The following BICDL2 variants were observed in gnomAD, a reference collection of about 807,000 sequenced individuals.
BICDL2 encodes the protein BICD family like cargo adaptor 2.
In BICDL2, 62 loss-of-function variants were observed where a neutral mutation model predicts 56.6. The ratio of observed to expected loss-of-function variants is 1.10; its 90% confidence interval spans 0.89 to 1.35. The LOEUF is 1.35. Ranked by LOEUF, BICDL2 falls within the 40% of genes most tolerant of loss-of-function variation. BICDL2 has a pLI of 0.00. For synonymous variants in BICDL2, 358 were observed against 319.8 expected, an observed-to-expected ratio of 1.12 and a Z score of -1.27; for missense variants, 808 against 684.5, an observed-to-expected ratio of 1.18 and a Z score of -2.01.
At chr16:3,032,540 T>A (rs1448189562) in intron 2 of BICDL2, 1 of 151,976 alleles carries the variant, frequency 6.6e-6, no homozygotes, top group Admixed American at 6.6e-5. Context: ...CATGGACACA[T>A]GCCGGAGCCA....
In BICDL2 at chr16:3,028,426, C is replaced by G. The variant is rs1444124225; in HGVS notation, c.1281G>C (p.Glu427Asp). The G allele has an allele frequency of 6.4e-7, 1 of 1,560,462 alleles. No homozygotes were observed. The highest frequency in any genetic ancestry group is 1.2e-5 in the South Asian group (1 of 86,562). Residue 427 changes from glutamate to aspartate, a missense_variant, in exon 9 of 10, where the codon GAG (glutamate) becomes GAC (aspartate). Coordinates refer to ENST00000572449, the MANE Select transcript of BICDL2 (RefSeq NM_001369667.1). ...LSLQLNRVSL[E>D]RDSLSRELLR... ...GCAGCTCCCGAGACAGGGAGTCTCG[C>G]TCCAGCGAGACGCGGTTGAGCTGCA... is the stretch of plus-strand genomic sequence containing the variant.
At chr16:3,033,869 G>A (rs1397970547) in intron 2 of BICDL2, among the ~76,000 whole-genome samples, 1 of 152,186 alleles carries the variant, frequency 6.6e-6, no homozygotes, top group Non-Finnish European at 1.5e-5. Flanking sequence ...CGAGGATGGG[G>A]ACAGCAGGTG....
intron 2 of BICDL2, among the ~76,000 whole-genome samples, chr16:3,034,143 G>T (rs769155736): frequency 2.0e-5 from 3 of 152,200 alleles, no homozygotes; most frequent in Non-Finnish European, 2.9e-5. Flanking sequence ...AAAGCACTCA[G>T]CCCAGTGCCA....
Position 3,028,424 on chromosome 16 carries a change from C to G in BICDL2, c.1283G>C (p.Arg428Pro). The change falls in exon 9 of 10, where the codon CGA becomes CCA. Residue 428 changes from arginine to proline, a missense_variant. Arg to Pro is a moderately radical substitution (Grantham distance 103). Coordinates refer to ENST00000572449, the MANE Select transcript of BICDL2 (RefSeq NM_001369667.1). The stretch of plus-strand genomic sequence containing the variant: ...CAGCAGCTCCCGAGACAGGGAGTCT[C>G]GCTCCAGCGAGACGCGGTTGAGCTG... Reference protein sequence around the residue: ...SLQLNRVSLERDSLSRELLRA... With the variant: ...SLQLNRVSLEPDSLSRELLRA... The G allele has an allele frequency of 6.4e-7, 1 of 1,559,570 alleles. No individual in the cohort carries two copies. Among genetic ancestry groups the G allele is most frequent in the Non-Finnish European group, 8.6e-7 (1 of 1,161,430 alleles).
At chr16:3,036,137 A>G (rs1397436995) in intron 1 of BICDL2, 2 of 399,862 alleles carry the variant, frequency 5.0e-6, no homozygotes, top group South Asian at 3.6e-5. Flanking sequence ...TCCCCCACCA[A>G]GGATTCCCAC....
At chr16:3,034,704 T>C (rs1251394468) in intron 2 of BICDL2, among the ~76,000 whole-genome samples, 13 of 147,782 alleles carry the variant, frequency 8.8e-5, no homozygotes, top group Non-Finnish European at 1.6e-4. Flanking sequence ...CCTTCCTTCC[T>C]TCCTTCCTTT....
intron 2 of BICDL2, chr16:3,032,425 A>G (rs1955670678): frequency 6.6e-6 from 1 of 152,234 alleles, no homozygotes; most frequent in Non-Finnish European, 1.5e-5. Flanking sequence ...CCACACTGCT[A>G]TCAATCCTCC....
At position 3,029,549 on chromosome 16, in the gene BICDL2, G is replaced by C; in HGVS notation, c.953C>G (p.Thr318Ser). Residue 318 changes from threonine (T) to serine (S), a missense_variant, in exon 6 of 10, where the codon ACC becomes AGC. Coordinates refer to ENST00000572449, the MANE Select transcript of BICDL2 (RefSeq NM_001369667.1). ...QGQGADAPGD[T>S]PTTRSPKTRK... The stretch of plus-strand genomic sequence containing the variant: ...GCTGGGGCCCCACGAGCTCACCGGG[G>C]TGTCTCCGGGTGCGTCGGCGCCCTG... 2 of 1,550,604 alleles carry C rather than the reference G, an allele frequency of 1.3e-6. No individual in the cohort carries two copies. The highest frequency in any genetic ancestry group is 1.7e-6 in the Non-Finnish European group (2 of 1,152,950).
rs183014367 is a variant in BICDL2 at position 3,035,356 on chromosome 16, G to T, written c.141C>A (p.Pro47=). 1 of 1,603,454 alleles carries T rather than the reference G, an allele frequency of 6.2e-7. No individual in the cohort carries two copies. Residue 47 remains proline (P), a synonymous_variant, in exon 2 of 10, where the codon CCC becomes CCA. Transcript: ENST00000572449. ...GCTGCAGCTGCAAGGCTAGGTCCTC[G>T]GGCTCCTCAGGCCCTGGGCCCCCTC... is the stretch of plus-strand genomic sequence containing the variant. ...FLGGGPGPEE[P]EDLALQLQQK... is the part of the protein sequence containing the mutation.
intron 2 of BICDL2, chr16:3,031,779 A>G (rs1360076547): frequency 2.7e-6 from 1 of 376,560 alleles, no homozygotes. Context: ...AGCGACTCGC[A>G]GGTACCCTGC....
Position 3,029,306 on chromosome 16 carries a change from C to T in BICDL2, c.1081G>A (p.Val361Met). The T allele has an allele frequency of 1.9e-6, 3 of 1,611,704 alleles. No individual in the cohort carries two copies. The highest frequency in any genetic ancestry group is 2.2e-5 in the South Asian group (2 of 90,716). ...TCATCTTGCAGCTTGGCCACTTCCA[C>T]CTCCTTCTCCTCCAGTATCTCCGCT... ...SPAEILEEKE[V>M]EVAKLQDEIS... The change falls in exon 7 of 10, where the codon GTG becomes ATG. Residue 361 changes from valine (V) to methionine (M), a missense_variant. Transcript: ENST00000572449.
At position 3,030,444 on chromosome 16, in the gene BICDL2, G is replaced by T. The variant is rs1453852477; in HGVS notation, c.762+5C>A. ...CAGTTGTAGTCCCCCAGCCCTGCAG[G>T]TCACCTCCAGGCTGTGCTCCCGCCG... On this transcript the variant is annotated splice_donor_5th_base_variant and intron_variant, in intron 5 of 9. Coordinates refer to ENST00000572449, the MANE Select transcript of BICDL2 (RefSeq NM_001369667.1). 1.9e-6 allele frequency: 3 copies of T among 1,597,000 alleles called. No homozygotes were observed. The highest frequency in any genetic ancestry group is 2.5e-6 in the Non-Finnish European group (3 of 1,177,688).
Position 3,029,637 on chromosome 16 carries a change from C to G in BICDL2, c.865G>C (p.Asp289His), listed in dbSNP as rs763688060. Residue 289 changes from aspartate to histidine, a missense_variant, in exon 6 of 10, where the codon GAC becomes CAC. Transcript: ENST00000572449. The part of the protein sequence containing the change: ...LEEESRLQDA[D>H]VSAASLQSEL... ...GACTGCAACGAGGCAGCCGACACGT[C>G]GGCGTCCTGGAGGCGTGACTCCTCC... 16 of 1,535,308 alleles carry G rather than the reference C, an allele frequency of 1.0e-5. No individual in the cohort carries two copies. The African/African-American group carries it at 1.8e-4, about 17-fold the overall frequency.
chr16:3,034,395 C>T (rs1452361076), intron 2 of BICDL2, among the ~76,000 whole-genome samples: 2 of 152,196 alleles, frequency 1.3e-5, no homozygotes, highest in African/African-American at 4.8e-5. Flanking sequence ...TCTCCTGCCT[C>T]AGTCTCCCAA....
rs776672376 is a variant in BICDL2 at position 3,028,724 on chromosome 16, G to C, written c.1214C>G (p.Ser405Ter). 3.2e-6 allele frequency: 5 copies of C among 1,568,454 alleles called. No homozygotes were observed. Among genetic ancestry groups the C allele is most frequent in the African/African-American group, 1.4e-5 (1 of 73,950 alleles). Residue 405 changes from serine (S) to a stop codon, truncating the protein, a stop_gained, in exon 8 of 10, where the codon TCA becomes TGA. Coordinates refer to ENST00000572449, the MANE Select transcript of BICDL2 (RefSeq NM_001369667.1). LOFTEE classifies it high-confidence loss of function. ...CTTGTTCACGGCCTCGTCCCGGTCT[G>C]AGAGGGCACTGTGCAGGGCCTCCCC... Reference protein sequence around the residue: ...DPGEALHSALSDRDEAVNKAL... With the variant: ...DPGEALHSAL
At chr16:3,034,449 T>C (rs1328323909) in intron 2 of BICDL2, among the ~76,000 whole-genome samples, 3 of 151,996 alleles carry the variant, frequency 2.0e-5, no homozygotes, top group African/African-American at 4.8e-5. Flanking sequence ...TGGCTAATTT[T>C]TTTTGTATTT....
intron 2 of BICDL2, among the ~76,000 whole-genome samples, chr16:3,033,468 T>C (rs956486085): frequency 3.3e-5 from 5 of 151,646 alleles, no homozygotes; most frequent in Non-Finnish European, 7.4e-5. Context: ...CTTGCGGATA[T>C]TGGGGGGAAT....
chr16:3,028,050 C>T lies in BICDL2; in HGVS notation c.*56G>A. On this transcript the variant is annotated 3_prime_UTR_variant, in exon 10 of 10. Transcript: ENST00000572449. ...AATCTGGGCCCTGTCGCTCCATTGG[C>T]CTGAAGAGGAAAGTGAGCCCCTAAG... 1 of 1,395,462 alleles carries T rather than the reference C, an allele frequency of 7.2e-7. No homozygotes were observed. Among genetic ancestry groups the T allele is most frequent in the Non-Finnish European group, 9.3e-7 (1 of 1,076,766 alleles). The allele number at this position is 1,395,462 out of a possible 1,614,324, so 86.4% of individuals were successfully genotyped here.
chr16:3,029,835 G>A, intron 5 of BICDL2, 96 bp from the exon 6 acceptor site: 1 of 1,087,708 alleles, frequency 9.2e-7, no homozygotes, highest in East Asian at 2.9e-5. Context: ...GCCGCGGAGA[G>A]CCCCGCACCC....
Sources: gnomAD v4.1 joint callset for allele counts (sites outside exome capture counted in the v4.1 genomes callset) on GRCh38, gnomAD v4.1.1 for gene constraint, MANE v1.5 for transcripts, NCBI Gene and HGNC (gene_info 2026-07-23, HGNC 2026-07-21) for gene names.